OR5P3: variants seen among roughly 807,000 people sequenced by gnomAD.
The protein encoded by OR5P3 is olfactory receptor 5P3.
For missense variants in OR5P3, 415 were observed against 375.6 expected (o/e 1.10, Z -0.87); for synonymous variants, 172 against 141.8 (o/e 1.21, Z -1.51).
chr11:7,827,437 G>T (rs1459138175), intron 1 of OR5P3, among the ~76,000 whole-genome samples: 1 of 152,128 alleles, frequency 6.6e-6, no homozygotes, highest in Non-Finnish European at 1.5e-5. Context: ...CTGAACAGTT[G>T]TGAGTGCCTG....
intron 1 of OR5P3, among the ~76,000 whole-genome samples, chr11:7,829,746 C>T (rs912859626): frequency 8.6e-5 from 13 of 151,982 alleles, no homozygotes; most frequent in African/African-American, 2.9e-4. Context: ...CCAATTGATG[C>T]CTCTATTAGA....
Position 7,825,253 on chromosome 11 carries a change from G to A in OR5P3, c.720C>T (p.Thr240=), listed in dbSNP as rs1355077500. 2.5e-6 allele frequency: 4 copies of A among 1,612,986 alleles called. No homozygotes were observed. Among genetic ancestry groups the A allele is most frequent in the Middle Eastern group, 1.6e-4 (1 of 6,084 alleles). Residue 240 remains threonine, a synonymous_variant, in exon 2 of 2, where the codon ACC becomes ACT. Transcript: ENST00000641167. ...STKGRHKAFS[T]CTSHLTAVTL... ...TGACTGCAGTGAGGTGGGAGGTGCA[G>A]GTGGAGAAGGCCTTGTGGCGGCCCT...
Position 7,824,928 on chromosome 11 carries a change from C to A in OR5P3, c.*109G>T. 1.3e-6 allele frequency: 1 copy of A among 751,846 alleles called. No individual in the cohort carries two copies. Among genetic ancestry groups the A allele is most frequent in the South Asian group, 4.5e-5 (1 of 22,004 alleles). The allele number at this position is 751,846 out of a possible 1,614,324, so 46.6% of individuals were successfully genotyped here. A position where few individuals can be genotyped will look rare whatever the true frequency, so the allele number is the denominator to read the frequency against. On this transcript the variant is annotated 3_prime_UTR_variant, in exon 2 of 2. Transcript: ENST00000641167. Reference sequence around the variant, plus strand: ...TCCTGATTGACTAAAAAGCTCCACACTGGGTAATGGTCTATGGACAGATAA... The same window carrying A: ...TCCTGATTGACTAAAAAGCTCCACAATGGGTAATGGTCTATGGACAGATAA...
At chr11:7,829,648 G>C (rs1857785881) in intron 1 of OR5P3, among the ~76,000 whole-genome samples, 1 of 152,178 alleles carries the variant, frequency 6.6e-6, no homozygotes, top group African/African-American at 2.4e-5. Context: ...ACATCCATAT[G>C]AAGATAATGC....
At position 7,825,744 on chromosome 11, in the gene OR5P3, C is replaced by A. The variant is rs998653379; in HGVS notation, c.229G>T (p.Val77Phe). The A allele has an allele frequency of 6.2e-7, 1 of 1,613,090 alleles. No individual in the cohort carries two copies. Among genetic ancestry groups the A allele is most frequent in the African/African-American group, 1.4e-5 (1 of 74,038 alleles). ...AAGCTCATGAGCATGACAGGTGTGA[C>A]TGATGAGGAGTACCCAATGTCTACA... Reference protein sequence around the residue: ...AFVDIGYSSSVTPVMLMSFLR... With the variant: ...AFVDIGYSSSFTPVMLMSFLR... The change falls in exon 2 of 2, where the codon GTC becomes TTC. Residue 77 changes from valine to phenylalanine, a missense_variant. Val to Phe is a conservative substitution (Grantham distance 50). Transcript: ENST00000641167.
At chr11:7,830,629 GTTAT>G (rs1857799586) in intron 1 of OR5P3, among the ~76,000 whole-genome samples, 191 bp downstream of exon 1, 2 of 152,004 alleles carry the variant, frequency 1.3e-5, no homozygotes, top group South Asian at 2.1e-4. Context: ...TCTTCATTAC[GTTAT>G]TTGTTTAAAA....
intron 1 of OR5P3, among the ~76,000 whole-genome samples, chr11:7,829,880 T>C (rs12223061): frequency 0.62 from 93,818 of 152,004 alleles, 29,936 homozygotes; most frequent in South Asian, 0.74. Flanking sequence ...GCTGATAAGA[T>C]AAAAGAGGGA....
Position 7,826,002 on chromosome 11 carries a change from A to G in OR5P3, c.-21-9T>C. On this transcript the variant is annotated splice_polypyrimidine_tract_variant and intron_variant, in intron 1 of 1. Coordinates refer to ENST00000641167, the MANE Select transcript of OR5P3 (RefSeq NM_153445.2). ...ATTGGGAATGGTGCCAACTGAAAGA[A>G]AAACAAATGAATATTATAATGGGAT... 8.7e-7 allele frequency: 1 copy of G among 1,144,922 alleles called. No homozygotes were observed. The highest frequency in any genetic ancestry group is 1.2e-6 in the Non-Finnish European group (1 of 800,300). 70.9% of individuals were successfully genotyped at this position (1,144,922 alleles called of 1,614,324 possible).
intron 1 of OR5P3, among the ~76,000 whole-genome samples, chr11:7,829,334 A>G (rs1221226633): frequency 6.6e-6 from 1 of 152,192 alleles, no homozygotes; most frequent in Non-Finnish European, 1.5e-5. Context: ...ATGAAGGAAC[A>G]TAAGCAATTT....
At position 7,825,738 on chromosome 11, in the gene OR5P3, G is replaced by C; in HGVS notation, c.235C>G (p.Pro79Ala). 13 of 1,613,242 alleles carry C rather than the reference G, an allele frequency of 8.1e-6. 1 individual carries two copies. The South Asian group carries it at 1.2e-4, about 15-fold the overall frequency. The change falls in exon 2 of 2, where the codon CCT becomes GCT. Residue 79 changes from proline to alanine, a missense_variant. Physicochemically the swap from Pro to Ala is conservative, Grantham distance 27 (BLOSUM62 -1). Coordinates refer to ENST00000641167, the MANE Select transcript of OR5P3 (RefSeq NM_153445.2). ...CTTAGGAAGCTCATGAGCATGACAG[G>C]TGTGACTGATGAGGAGTACCCAATG... ...VDIGYSSSVT[P>A]VMLMSFLRKE...
chr11:7,827,583 T>C (rs1484065836), intron 1 of OR5P3, among the ~76,000 whole-genome samples: 1 of 152,122 alleles, frequency 6.6e-6, no homozygotes, highest in Non-Finnish European at 1.5e-5. Flanking sequence ...ATGAAGTGAG[T>C]ACCTGAGATG....
intron 1 of OR5P3, among the ~76,000 whole-genome samples, chr11:7,829,711 CTT>C (rs754574636): frequency 5.3e-5 from 8 of 152,138 alleles, no homozygotes; most frequent in Non-Finnish European, 1.2e-4. Context: ...ACACTTTGCT[CTT>C]TGCTTCTATG....
rs1451527414 is a variant in OR5P3, at chr11:7,825,329, G to A, written c.644C>T (p.Ala215Val). 1.9e-6 allele frequency: 3 copies of A among 1,613,180 alleles called. No homozygotes were observed. The highest frequency in any genetic ancestry group is 3.3e-5 in the Admixed American group (2 of 59,986). ...GATGAGGATATAGATGTAGGATATG[G>A]CTATGACACACACAGTGGCCACAAT... ...SIIVATVCVI[A>V]ISYIYILITI... The change falls in exon 2 of 2, where the codon GCC (alanine) becomes GTC (valine). Residue 215 changes from alanine (A) to valine (V), a missense_variant. By Grantham distance (64) the Ala-to-Val change is moderately conservative. Coordinates refer to ENST00000641167, the MANE Select transcript of OR5P3 (RefSeq NM_153445.2).
intron 1 of OR5P3, among the ~76,000 whole-genome samples, chr11:7,827,796 G>A (rs1448334297): frequency 3.3e-5 from 5 of 152,148 alleles, no homozygotes; most frequent in South Asian, 2.1e-4. Flanking sequence ...AGGTTTTAGG[G>A]AGGAAAACAA....
chr11:7,825,178 G>A lies in OR5P3; in HGVS notation c.795C>T (p.Ser265=). The part of the protein sequence containing the change: ...ITFIYVMPKS[S]YSTDQNKVVS... ...CCACCTTGTTCTGGTCAGTTGAGTA[G>A]CTGGACTTGGGCATCACATAAATGA... The change falls in exon 2 of 2, where the codon AGC becomes AGT. Residue 265 remains serine (S), a synonymous_variant. Coordinates refer to ENST00000641167, the MANE Select transcript of OR5P3 (RefSeq NM_153445.2). 6.2e-7 allele frequency: 1 copy of A among 1,608,908 alleles called. No individual in the cohort carries two copies. Among genetic ancestry groups the A allele is most frequent in the Non-Finnish European group, 8.5e-7 (1 of 1,179,984 alleles).
Position 7,825,283 on chromosome 11 carries a change from G to T in OR5P3, c.690C>A (p.Ser230=). ...YILITILKMH[S]TKGRHKAFST... The stretch of plus-strand genomic sequence containing the variant: ...AGAAGGCCTTGTGGCGGCCCTTGGT[G>T]GAGTGCATCTTCAGGATGGTGATGA... Residue 230 remains serine, a synonymous_variant, in exon 2 of 2, where the codon TCC becomes TCA. Coordinates refer to ENST00000641167, the MANE Select transcript of OR5P3 (RefSeq NM_153445.2). 6.2e-7 allele frequency: 1 copy of T among 1,613,148 alleles called. No homozygotes were observed. The highest frequency in any genetic ancestry group is 8.5e-7 in the Non-Finnish European group (1 of 1,180,026).
At chr11:7,830,499 T>C (rs1420099257) in intron 1 of OR5P3, among the ~76,000 whole-genome samples, 1 of 152,216 alleles carries the variant, frequency 6.6e-6, no homozygotes, top group African/African-American at 2.4e-5. Flanking sequence ...TATTATGGCA[T>C]GGAAGCAATG....
intron 1 of OR5P3, among the ~76,000 whole-genome samples, chr11:7,828,487 G>A (rs182548117): frequency 1.1e-3 from 175 of 152,268 alleles, no homozygotes; most frequent in African/African-American, 4.0e-3. Context: ...TTTAATTGCT[G>A]AATAGCAGAA....
intron 1 of OR5P3, among the ~76,000 whole-genome samples, chr11:7,829,963 G>C (rs913507719): frequency 2.0e-5 from 3 of 152,046 alleles, no homozygotes; most frequent in African/African-American, 7.2e-5. Flanking sequence ...AGAAAATTAA[G>C]ATAATTCAAT....
Sources: gnomAD v4.1 joint callset for allele counts (sites outside exome capture counted in the v4.1 genomes callset) on GRCh38, gnomAD v4.1.1 for gene constraint, MANE v1.5 for transcripts, NCBI Gene and HGNC (gene_info 2026-07-23, HGNC 2026-07-21) for gene names.